The following DENND1A variants were observed in gnomAD, a reference collection of about 807,000 sequenced individuals.
DENND1A encodes DENN domain containing 1A.
A neutral mutation model predicts 113.7 loss-of-function variants in DENND1A; 51 were observed. The ratio of observed to expected loss-of-function variants is 0.45; its 90% CI spans 0.36 to 0.57. DENND1A has a LOEUF of 0.57. Among genes scored for constraint, DENND1A ranks in the 20% least tolerant of loss-of-function variants. The pLI is 0.00. For synonymous variants in DENND1A, 565 were observed against 570.8 expected (o/e 0.99, Z 0.14); for missense variants, 1,258 against 1,395.9 (o/e 0.90, Z 1.57).
intron 13 of DENND1A, among the ~76,000 whole-genome samples, chr9:123,504,672 G>A (rs781064598): frequency 5.9e-5 from 9 of 152,150 alleles, no homozygotes; most frequent in Middle Eastern, 3.2e-3. Context: ...TGCTGACCCC[G>A]TGCTGTCATT....
intron 5 of DENND1A, among the ~76,000 whole-genome samples, chr9:123,678,980 C>T (rs762637244): frequency 5.3e-5 from 8 of 152,148 alleles, no homozygotes; most frequent in Non-Finnish European, 8.8e-5. Context: ...CAGAAGAAAA[C>T]TCTTGCACAG....
At chr9:123,771,192 C>A (rs992036508) in intron 3 of DENND1A, among the ~76,000 whole-genome samples, 1 of 152,158 alleles carries the variant, frequency 6.6e-6, no homozygotes, top group Non-Finnish European at 1.5e-5. Flanking sequence ...ATAAACTAAT[C>A]ATGCTTAGAT....
At chr9:123,795,144 C>T (rs1247162006) in intron 2 of DENND1A, among the ~76,000 whole-genome samples, 1 of 152,078 alleles carries the variant, frequency 6.6e-6, no homozygotes, top group Non-Finnish European at 1.5e-5. Flanking sequence ...TTCACCAAAG[C>T]AATATAATAC....
At chr9:123,574,808 T>C (rs1214496442) in intron 12 of DENND1A, among the ~76,000 whole-genome samples, 2 of 152,108 alleles carry the variant, frequency 1.3e-5, no homozygotes, top group African/African-American at 4.8e-5. Context: ...GTGGGGTGGG[T>C]TGGACAAGCT....
At chr9:123,718,793 A>G (rs1006542110) in intron 5 of DENND1A, among the ~76,000 whole-genome samples, 3 of 152,224 alleles carry the variant, frequency 2.0e-5, no homozygotes, top group Non-Finnish European at 2.9e-5. Flanking sequence ...ACAGTAACAA[A>G]GGACTACACC....
At chr9:123,552,598 C>T (rs1428099950) in intron 13 of DENND1A, among the ~76,000 whole-genome samples, 2 of 152,250 alleles carry the variant, frequency 1.3e-5, no homozygotes, top group African/African-American at 4.8e-5. Flanking sequence ...TGTGGAGGCA[C>T]TGTGAAGCAG....
chr9:123,401,476 T>A (rs1414828719), intron 21 of DENND1A: 1 of 1,173,544 alleles, frequency 8.5e-7, no homozygotes, highest in Admixed American at 3.9e-5. Context: ...TGGAATGATG[T>A]CCTGAAACGT....
At chr9:123,401,329 G>C (rs761159774) in intron 21 of DENND1A, 5 of 240,144 alleles carry the variant, frequency 2.1e-5, no homozygotes, top group Non-Finnish European at 3.5e-5. Context: ...ATTTGGAAGG[G>C]GCGGAGCACA....
At chr9:123,816,273 G>T (rs1162425286) in intron 2 of DENND1A, among the ~76,000 whole-genome samples, 1 of 152,026 alleles carries the variant, frequency 6.6e-6, no homozygotes, top group Admixed American at 6.6e-5. Flanking sequence ...AAGTCCTGGG[G>T]TTATAGGTAT....
intron 5 of DENND1A, among the ~76,000 whole-genome samples, chr9:123,743,952 T>G (rs2069243815): frequency 6.6e-6 from 1 of 152,058 alleles, no homozygotes; most frequent in African/African-American, 2.4e-5. Flanking sequence ...ACAAACTTAG[T>G]GGGGAAACAC....
intron 12 of DENND1A, among the ~76,000 whole-genome samples, chr9:123,575,155 G>A (rs2058566148): frequency 6.6e-6 from 1 of 152,190 alleles, no homozygotes; most frequent in South Asian, 2.1e-4. Flanking sequence ...GCTGGGGGTG[G>A]TGGAGAGGTG....
At chr9:123,867,402 C>T (rs1163120196) in intron 2 of DENND1A, among the ~76,000 whole-genome samples, 3 of 152,086 alleles carry the variant, frequency 2.0e-5, no homozygotes, top group East Asian at 1.9e-4. Context: ...AATAAGACCT[C>T]GGGCATGTAG....
chr9:123,413,273 A>G (rs1358689403), intron 19 of DENND1A: 1 of 433,668 alleles, frequency 2.3e-6, no homozygotes, highest in Non-Finnish European at 3.1e-6. Context: ...CTCAGTAATA[A>G]TTTTTAGATT....
At chr9:123,825,270 G>A (rs762968006) in intron 2 of DENND1A, among the ~76,000 whole-genome samples, 18 of 150,982 alleles carry the variant, frequency 1.2e-4, no homozygotes, top group South Asian at 4.2e-4. Flanking sequence ...GAAAGTATTC[G>A]TGTTCCCAAT....
intron 13 of DENND1A, among the ~76,000 whole-genome samples, chr9:123,551,480 T>G (rs796194677): frequency 6.6e-6 from 1 of 152,068 alleles, no homozygotes; most frequent in African/African-American, 2.4e-5. Context: ...GGCGGGAGGA[T>G]GTGTTGGAGG....
rs1385966288 is a variant in DENND1A at position 123,739,917 on chromosome 9, T to C, written c.302+17786A>G. ...AGTGTGTTCTTAATTCCCTGGTACA[T>C]AGGAGAAAAAAAAAAAAAAAGGCTT... On this transcript the variant is annotated intron_variant, in intron 5 of 23. Coordinates refer to ENST00000394215, the MANE Select transcript of DENND1A (RefSeq NM_001352964.2). Among the ~76,000 whole-genome samples, 3 of 129,930 alleles carry C rather than the reference T, an allele frequency of 2.3e-5. No individual in the cohort carries two copies. The East Asian group carries it at 6.3e-4, about 27-fold the overall frequency. The allele number at this position is 129,930 out of a possible 152,430, so 85.2% of individuals were successfully genotyped here.
intron 5 of DENND1A, among the ~76,000 whole-genome samples, chr9:123,703,627 C>G (rs2066008017): frequency 6.6e-6 from 1 of 151,794 alleles, no homozygotes; most frequent in African/African-American, 2.4e-5. Context: ...AAGTCCTTAC[C>G]AAAAAGAACA....
Position 123,557,561 on chromosome 9 carries a change from G to A in DENND1A, c.993+9C>T. 1 of 1,613,484 alleles carries A rather than the reference G, an allele frequency of 6.2e-7. No homozygotes were observed. The highest frequency in any genetic ancestry group is 8.5e-7 in the Non-Finnish European group (1 of 1,179,764). ...AACACAGGCTCTGTGACATGCCAAG[G>A]CTACTCACCGGCTCGATTTTCAGAG... On this transcript the variant is annotated intron_variant, in intron 13 of 23. Coordinates refer to ENST00000394215, the MANE Select transcript of DENND1A (RefSeq NM_001352964.2).
At chr9:123,506,146 A>G (rs2052911739) in intron 13 of DENND1A, among the ~76,000 whole-genome samples, 1 of 152,234 alleles carries the variant, frequency 6.6e-6, no homozygotes, top group Non-Finnish European at 1.5e-5. Flanking sequence ...TACCTTGGGC[A>G]AATCAATTAA....
Sources: allele counts gnomAD v4.1 joint callset (sites outside exome capture counted in the v4.1 genomes callset), GRCh38; gene constraint gnomAD v4.1.1; transcripts MANE v1.5; gene names NCBI Gene and HGNC (gene_info 2026-07-23, HGNC 2026-07-21).